Variants in CNTNAP2 observed in about 807,000 individuals in gnomAD.
CNTNAP2 encodes contactin-associated protein-like 2.
In CNTNAP2, 98 loss-of-function variants were observed where a neutral mutation model predicts 155.2. That is an observed-to-expected ratio of 0.63 (90% CI 0.54 to 0.75). The LOEUF (loss-of-function observed/expected upper bound fraction) is 0.75. Ranked by LOEUF, CNTNAP2 falls within the 30% of genes least tolerant of loss-of-function variation. The pLI is 0.00. For missense variants in CNTNAP2, 1,727 were observed against 1,688.1 expected (o/e 1.02, Z -0.40); for synonymous variants, 651 against 631.2 (o/e 1.03, Z -0.47).
chr7:147,165,445 G>C (rs1353801950), intron 8 of CNTNAP2, among the ~76,000 whole-genome samples: 1 of 152,112 alleles, frequency 6.6e-6, no homozygotes. Flanking sequence ...CTCCCAGTCT[G>C]TGGGTTGTCT....
rs148572647 is a variant in CNTNAP2, at chr7:147,355,173, G to A, written c.1499-40436G>A. ...AGTGGAACCCGTATACTTGAGGGAC[G>A]TGGTAAGACCAATGACTACTGGGTA... On this transcript the variant is annotated intron_variant, in intron 9 of 23. Transcript: ENST00000361727. 1.1e-4 allele frequency among the ~76,000 whole-genome samples: 17 copies of A among 151,890 alleles called. No individual in the cohort carries two copies. The South Asian group carries it at 2.3e-3, about 20-fold the overall frequency.
intron 1 of CNTNAP2, among the ~76,000 whole-genome samples, chr7:146,545,964 T>C (rs1798023606): frequency 6.6e-6 from 1 of 151,970 alleles, no homozygotes; most frequent in African/African-American, 2.4e-5. Context: ...ATTTTAAAAA[T>C]GAAAACAATG....
chr7:147,801,273 T>A (rs1255684614), intron 13 of CNTNAP2, among the ~76,000 whole-genome samples: 1 of 151,956 alleles, frequency 6.6e-6, no homozygotes, highest in Non-Finnish European at 1.5e-5. Context: ...TATATGCATG[T>A]TAAATAGGTA....
chr7:147,129,110 G>A (rs540831411), intron 7 of CNTNAP2, among the ~76,000 whole-genome samples: 4 of 152,240 alleles, frequency 2.6e-5, no homozygotes, highest in Admixed American at 6.5e-5. Flanking sequence ...CTCGTGGCAC[G>A]TGCTTCATCC....
intron 1 of CNTNAP2, among the ~76,000 whole-genome samples, chr7:146,405,007 C>T (rs1326091077): frequency 6.6e-6 from 1 of 152,070 alleles, no homozygotes; most frequent in Non-Finnish European, 1.5e-5. Context: ...AGTTACTGGC[C>T]TCTGAGCACA....
intron 8 of CNTNAP2, among the ~76,000 whole-genome samples, chr7:147,256,629 T>C (rs1496549): frequency 0.8 from 121,807 of 152,054 alleles, 49,255 homozygotes; most frequent in African/African-American, 0.92. Flanking sequence ...TAGGCATACT[T>C]CATAAAATTA....
At chr7:147,711,012 G>A (rs1353262177) in intron 13 of CNTNAP2, among the ~76,000 whole-genome samples, 1 of 152,142 alleles carries the variant, frequency 6.6e-6, no homozygotes, top group East Asian at 1.9e-4. Context: ...TTGCTACTCA[G>A]CAAGACATTT....
At chr7:146,656,967 T>G (rs1800005828) in intron 1 of CNTNAP2, among the ~76,000 whole-genome samples, 1 of 152,196 alleles carries the variant, frequency 6.6e-6, no homozygotes, top group Admixed American at 6.5e-5. Flanking sequence ...TGCCTCTTTT[T>G]GTCCATATCT....
chr7:146,679,335 A>G (rs913083086), intron 1 of CNTNAP2, among the ~76,000 whole-genome samples: 2 of 144,164 alleles, frequency 1.4e-5, no homozygotes, highest in African/African-American at 2.6e-5. Flanking sequence ...TGCAAAGGAC[A>G]TGATCTTGTT....
chr7:146,695,051 C>A (rs1177318799), intron 1 of CNTNAP2, among the ~76,000 whole-genome samples: 1 of 152,062 alleles, frequency 6.6e-6, no homozygotes, highest in Non-Finnish European at 1.5e-5. Context: ...AGTTTTAATT[C>A]TTTCTCCCCA....
intron 1 of CNTNAP2, among the ~76,000 whole-genome samples, chr7:146,725,329 A>T (rs1357976774): frequency 6.6e-6 from 1 of 152,194 alleles, no homozygotes; most frequent in Non-Finnish European, 1.5e-5. Context: ...ACATTATAAC[A>T]GTGAGAAAAT....
At chr7:147,227,299 G>A (rs1232232197) in intron 8 of CNTNAP2, among the ~76,000 whole-genome samples, 4 of 152,064 alleles carry the variant, frequency 2.6e-5, no homozygotes, top group Admixed American at 6.6e-5. Context: ...GGAGGGACCT[G>A]GAGAATATCT....
chr7:146,633,284 T>C (rs548949226), intron 1 of CNTNAP2, among the ~76,000 whole-genome samples: 9 of 152,364 alleles, frequency 5.9e-5, no homozygotes, highest in African/African-American at 2.2e-4. Context: ...CCTAGAGGCT[T>C]GCCCCACCAT....
intron 18 of CNTNAP2, chr7:148,190,377 T>A (rs1795185949): frequency 6.6e-6 from 1 of 152,218 alleles, no homozygotes; most frequent in Non-Finnish European, 1.5e-5. Flanking sequence ...TTGTTGTTGT[T>A]TTAAACCAGC....
chr7:146,117,530 GC>G (rs1244722124), intron 1 of CNTNAP2, among the ~76,000 whole-genome samples: 1 of 152,106 alleles, frequency 6.6e-6, no homozygotes, highest in African/African-American at 2.4e-5. Context: ...AACTGAAATT[GC>G]TTTAATTCTT....
chr7:146,145,796 A>G (rs553803494), intron 1 of CNTNAP2, among the ~76,000 whole-genome samples: 176 of 152,316 alleles, frequency 1.2e-3, no homozygotes, highest in African/African-American at 4.2e-3. Flanking sequence ...GTGTTTTAGT[A>G]TATCAGCTTT....
intron 20 of CNTNAP2, among the ~76,000 whole-genome samples, chr7:148,233,694 C>A (rs955481152): frequency 6.6e-6 from 1 of 152,220 alleles, no homozygotes; most frequent in African/African-American, 2.4e-5. Flanking sequence ...GCACTTTAGA[C>A]ACATTTTCTC....
chr7:148,138,732 A>G (rs899376805), intron 16 of CNTNAP2, among the ~76,000 whole-genome samples: 3 of 152,166 alleles, frequency 2.0e-5, no homozygotes, highest in African/African-American at 7.2e-5. Flanking sequence ...TATTCTTCCA[A>G]AATGGGTACT....
At chr7:146,888,255 T>C (rs1347818230) in intron 3 of CNTNAP2, among the ~76,000 whole-genome samples, 1 of 152,140 alleles carries the variant, frequency 6.6e-6, no homozygotes, top group Non-Finnish European at 1.5e-5. Context: ...AACCTGATGA[T>C]ATCTGAATAG....
Sources: allele counts gnomAD v4.1 joint callset (sites outside exome capture counted in the v4.1 genomes callset), GRCh38; gene constraint gnomAD v4.1.1; transcripts MANE v1.5; gene names NCBI Gene and HGNC (gene_info 2026-07-23, HGNC 2026-07-21).